MYO9A: variants seen among roughly 807,000 people sequenced by gnomAD.
MYO9A encodes myosin IXA, also known as unconventional myosin-IXa.
A neutral mutation model predicts 293.3 loss-of-function variants in MYO9A; 103 were observed. The observed-to-expected ratio is 0.35, with a 90% CI of 0.30 to 0.41. The LOEUF (loss-of-function observed/expected upper bound fraction) is 0.41, where lower values mean the gene tolerates loss of function less well. Among genes scored for constraint, MYO9A ranks in the 10% least tolerant of loss-of-function variants. The pLI is 1.00. For synonymous variants in MYO9A, 1,001 were observed against 1,035.7 expected, an observed-to-expected ratio of 0.97 and a Z score of 0.64; for missense variants, 2,685 against 3,033.0, an observed-to-expected ratio of 0.89 and a Z score of 2.69.
intron 18 of MYO9A, among the ~76,000 whole-genome samples, chr15:71,928,046 A>T (rs1295291785): frequency 2.1e-4 from 2 of 9,668 alleles, no homozygotes; most frequent in Non-Finnish European, 1.1e-3. Flanking sequence ...ATATATATAT[A>T]TATATATATA....
In MYO9A at chr15:71,905,075, T is replaced by C. The variant is rs1055917668; in HGVS notation, c.2686-69A>G. ...ACTATTAACAAATAATTTATAACTATAATCAACATGCTGGCAAAACATTCA... is the reference window on the plus strand; with the variant it reads ...ACTATTAACAAATAATTTATAACTACAATCAACATGCTGGCAAAACATTCA... On this transcript the variant is annotated intron_variant, in intron 19 of 41. Coordinates refer to ENST00000356056, the MANE Select transcript of MYO9A (RefSeq NM_006901.4). 20 of 1,337,910 alleles carry C rather than the reference T, an allele frequency of 1.5e-5. No homozygotes were observed. In the African/African-American group the frequency reaches 2.5e-4, roughly 17 times the overall value. The allele number at this position is 1,337,910 out of a possible 1,614,324, so 82.9% of individuals were successfully genotyped here. A position where few individuals can be genotyped will look rare whatever the true frequency, so the allele number is the denominator to read the frequency against.
intron 1 of MYO9A, among the ~76,000 whole-genome samples, chr15:72,101,210 T>C (rs1301681891): frequency 2.9e-5 from 3 of 103,894 alleles, no homozygotes; most frequent in Non-Finnish European, 5.9e-5. Flanking sequence ...GGAGCCCCTC[T>C]GCCCGGCCAG....
intron 1 of MYO9A, among the ~76,000 whole-genome samples, chr15:72,078,985 T>C (rs1242164315): frequency 2.0e-5 from 3 of 152,134 alleles, no homozygotes; most frequent in African/African-American, 7.2e-5. Flanking sequence ...GATGAAAAGG[T>C]AAAAGCATGA....
At chr15:72,083,098 C>T (rs1016034287) in intron 1 of MYO9A, among the ~76,000 whole-genome samples, 1 of 152,018 alleles carries the variant, frequency 6.6e-6, no homozygotes, top group Non-Finnish European at 1.5e-5. Context: ...AGGAATAGTA[C>T]CAGCTCTTCT....
chr15:72,010,245 G>T, intron 7 of MYO9A, 105 bp downstream of exon 7: 2 of 819,494 alleles, frequency 2.4e-6, no homozygotes, highest in Non-Finnish European at 3.9e-6. Context: ...ACTAGATGAA[G>T]AATACCACTT....
At position 71,824,216 on chromosome 15, in the gene MYO9A, T is replaced by C. The variant is rs1000683341; in HGVS notation, c.*2364A>G. 6.6e-6 allele frequency: 1 copy of C among 152,154 alleles called. No individual in the cohort carries two copies. Among genetic ancestry groups the C allele is most frequent in the Non-Finnish European group, 1.5e-5 (1 of 68,024 alleles). 9.4% of individuals were successfully genotyped at this position (152,154 alleles called of 1,614,324 possible). A position where few individuals can be genotyped will look rare whatever the true frequency, so the allele number is the denominator to read the frequency against. On this transcript the variant is annotated 3_prime_UTR_variant, in exon 42 of 42. Coordinates refer to ENST00000356056, the MANE Select transcript of MYO9A (RefSeq NM_006901.4). ...GAAAAAACAAGTTTTTTTAATTGAATTTTATCCAAACTGGAGTTTCAGGTC... is the reference window on the plus strand; with the variant it reads ...GAAAAAACAAGTTTTTTTAATTGAACTTTATCCAAACTGGAGTTTCAGGTC...
intron 1 of MYO9A, among the ~76,000 whole-genome samples, chr15:72,073,570 C>T (rs1055988109): frequency 6.6e-6 from 1 of 152,112 alleles, no homozygotes; most frequent in Non-Finnish European, 1.5e-5. Flanking sequence ...CAAATACATA[C>T]CTATAGCTGA....
intron 13 of MYO9A, 90 bp downstream of exon 13, chr15:71,967,894 C>T (rs1400045463): frequency 7.1e-6 from 9 of 1,273,534 alleles, no homozygotes; most frequent in Non-Finnish European, 8.3e-6. Flanking sequence ...TGATCAAAAG[C>T]CTCCACAAAC....
chr15:72,029,922 C>T (rs2077809874), intron 3 of MYO9A, among the ~76,000 whole-genome samples: 1 of 152,146 alleles, frequency 6.6e-6, no homozygotes, highest in Non-Finnish European at 1.5e-5. Context: ...AGTTGCCTCC[C>T]ACCACATGCT....
At chr15:71,867,969 A>G (rs1301018524) in intron 32 of MYO9A, among the ~76,000 whole-genome samples, 1 of 152,154 alleles carries the variant, frequency 6.6e-6, no homozygotes, top group East Asian at 1.9e-4. Flanking sequence ...TTAGTTTTCT[A>G]TTGCTGCTGC....
intron 1 of MYO9A, among the ~76,000 whole-genome samples, chr15:72,084,701 T>G (rs2079659632): frequency 6.6e-6 from 1 of 152,336 alleles, no homozygotes; most frequent in South Asian, 2.1e-4. Flanking sequence ...GAAAAGGATC[T>G]TATTTCCCCT....
At chr15:71,837,521 A>C (rs948580717) in intron 39 of MYO9A, among the ~76,000 whole-genome samples, 5 of 152,130 alleles carry the variant, frequency 3.3e-5, no homozygotes, top group African/African-American at 1.2e-4. Flanking sequence ...GTTTATTCCT[A>C]GTGTCCACAT....
At chr15:72,101,461 A>T (rs1596576008) in intron 1 of MYO9A, among the ~76,000 whole-genome samples, 1 of 102,734 alleles carries the variant, frequency 9.7e-6, no homozygotes, top group African/African-American at 3.9e-5. Context: ...TCCGGGAGGG[A>T]GGTGGCGGGG....
chr15:71,952,003 G>C (rs921528282), intron 14 of MYO9A, 107 bp from the exon 15 acceptor site: 29 of 1,220,934 alleles, frequency 2.4e-5, no homozygotes, highest in Non-Finnish European at 3.0e-5. Context: ...ACTATTTAAG[G>C]GTGTATAAAA....
chr15:71,830,135 C>T lies in MYO9A; in HGVS notation c.7014G>A (p.Glu2338=). The change falls in exon 40 of 42, where the codon GAG becomes GAA. Residue 2338 remains glutamate (E), a synonymous_variant. Transcript: ENST00000356056. ...TCTCCTTCTGTAGGTTCTCAATCTG[C>T]TCAGTCAGTACTCTCTCCTCCTGCT... ...AMQQEERVLT[E]QIENLQKEKE... The T allele has an allele frequency of 6.2e-7, 1 of 1,614,130 alleles. No homozygotes were observed. The highest frequency in any genetic ancestry group is 1.1e-5 in the South Asian group (1 of 91,068).
Position 71,826,581 on chromosome 15 carries a change from C to T in MYO9A, c.7646G>A (p.Ter2549=), listed in dbSNP as rs1444757816. 1 of 1,584,284 alleles carries T rather than the reference C, an allele frequency of 6.3e-7. No individual in the cohort carries two copies. The highest frequency in any genetic ancestry group is 8.6e-7 in the Non-Finnish European group (1 of 1,169,098). ...ALFGNNEFMV[*] ...ACGGAGGGACACACATCTGCCGGTT[C>T]AGACCATAAATTCATTATTTCCAAA... is the stretch of plus-strand genomic sequence containing the variant. The change falls in exon 42 of 42, where the codon TGA becomes TAA. Residue 2549 remains the stop codon, a stop_retained_variant. Transcript: ENST00000356056.
At chr15:71,947,765 G>T (rs2058954712) in intron 15 of MYO9A, among the ~76,000 whole-genome samples, 1 of 152,124 alleles carries the variant, frequency 6.6e-6, no homozygotes, top group African/African-American at 2.4e-5. Flanking sequence ...GGCAATTGCT[G>T]ATCCTTCATC....
intron 16 of MYO9A, among the ~76,000 whole-genome samples, chr15:71,937,173 A>C (rs112892438): frequency 6.6e-6 from 1 of 152,136 alleles, no homozygotes; most frequent in African/African-American, 2.4e-5. Flanking sequence ...TAAAAAAAGA[A>C]AACAGAGGAT....
Position 72,013,463 on chromosome 15 carries a change from A to G in MYO9A, c.1156-3016T>C, listed in dbSNP as rs866303949. Among the ~76,000 whole-genome samples, 20 of 152,332 alleles carry G rather than the reference A, an allele frequency of 1.3e-4. No homozygotes were observed. In the Middle Eastern group the frequency reaches 0.01, roughly 78 times the overall value. ...TCAAGGAAATGGTAAGGTTCGTTCC[A>G]AGGATAAGGCAGGGAACTAACCAAC... On this transcript the variant is annotated intron_variant, in intron 6 of 41. Coordinates refer to ENST00000356056, the MANE Select transcript of MYO9A (RefSeq NM_006901.4).
Sources: gnomAD v4.1 joint callset for allele counts (sites outside exome capture counted in the v4.1 genomes callset) on GRCh38, gnomAD v4.1.1 for gene constraint, MANE v1.5 for transcripts, NCBI Gene and HGNC (gene_info 2026-07-23, HGNC 2026-07-21) for gene names.